Variants in ATG16L2 observed in about 807,000 individuals in gnomAD.
ATG16L2 encodes the protein autophagy related 16 like 2, also known as protein Atg16l2.
A neutral mutation model predicts 84.7 loss-of-function variants in ATG16L2; 77 were observed. That is an observed-to-expected ratio of 0.91 (90% CI 0.76 to 1.10). ATG16L2 has a LOEUF of 1.10. Ranked by LOEUF, ATG16L2 falls within the 50% of genes least tolerant of loss-of-function variation. ATG16L2 has a pLI of 0.00. For synonymous variants in ATG16L2, 361 were observed against 342.8 expected (o/e 1.05, Z -0.59); for missense variants, 782 against 817.6 (o/e 0.96, Z 0.53).
At chr11:72,840,822 A>T in intron 5 of ATG16L2, 1 of 1,286,856 alleles carries the variant, frequency 7.8e-7, no homozygotes, top group Non-Finnish European at 1.1e-6. Flanking sequence ...TTAATTCCTT[A>T]CTTTCAATTT....
chr11:72,839,466 T>C (rs1001672875), intron 5 of ATG16L2, among the ~76,000 whole-genome samples: 1 of 152,174 alleles, frequency 6.6e-6, no homozygotes, highest in Non-Finnish European at 1.5e-5. Context: ...TAGGAGACTT[T>C]TGTAATCCTC....
chr11:72,837,737 C>G (rs538864187), intron 5 of ATG16L2: 32 of 152,370 alleles, frequency 2.1e-4, no homozygotes, highest in Admixed American at 2.1e-3. Flanking sequence ...CACGAGCCAC[C>G]AGGTTCTTCC....
chr11:72,842,903 A>G, exon 6 of ATG16L2: 2 of 1,263,046 alleles, frequency 1.6e-6, no homozygotes, highest in Non-Finnish European at 2.3e-6. Context: ...TTTTGCAACC[A>G]CCCCTATGCT....
intron 10 of ATG16L2, among the ~76,000 whole-genome samples, chr11:72,825,880 A>G (rs950772696): frequency 6.6e-6 from 1 of 152,034 alleles, no homozygotes; most frequent in Admixed American, 6.6e-5. Context: ...AGAAAAGGCA[A>G]GTTTCTGGCT....
chr11:72,841,222 T>C (rs930819672), intron 5 of ATG16L2, among the ~76,000 whole-genome samples: 8 of 150,778 alleles, frequency 5.3e-5, no homozygotes, highest in African/African-American at 2.0e-4. Context: ...TATTCCTAGC[T>C]ACTAGGGAGG....
chr11:72,829,239 G>A, intron 17 of ATG16L2, 64 bp from the exon 18 acceptor site: 2 of 1,561,414 alleles, frequency 1.3e-6, no homozygotes, highest in Non-Finnish European at 1.8e-6. Flanking sequence ...AGCAGTCGGG[G>A]CAGAGCCAGG....
At position 72,817,762 on chromosome 11, in the gene ATG16L2, G is replaced by T; in HGVS notation, c.225G>T (p.Glu75Asp). The change falls in exon 3 of 18, where the codon GAG becomes GAT. Residue 75 changes from glutamate to aspartate, a missense_variant. Glu to Asp is a conservative substitution (Grantham distance 45). Transcript: ENST00000321297. Reference protein sequence around the residue: ...TPTTHQGPWEESELDSDQVPS... With the variant: ...TPTTHQGPWEDSELDSDQVPS... ...CACTCTGATTGGTTGGCAGGGAGGA[G>T]TCAGAGCTTGACTCAGACCAAGTCC... 1 of 1,613,764 alleles carries T rather than the reference G, an allele frequency of 6.2e-7. No homozygotes were observed. Among genetic ancestry groups the T allele is most frequent in the Non-Finnish European group, 8.5e-7 (1 of 1,180,012 alleles).
At chr11:72,823,975 C>A in intron 7 of ATG16L2, 85 bp from the exon 8 acceptor site, 1 of 1,489,746 alleles carries the variant, frequency 6.7e-7, no homozygotes, top group South Asian at 1.1e-5. Flanking sequence ...GCCTCCAGGT[C>A]TCTGGCAAAG....
At chr11:72,826,264 G>A (rs368260628) in intron 11 of ATG16L2, 21 bp downstream of exon 11, 14 of 1,612,054 alleles carry the variant, frequency 8.7e-6, no homozygotes, top group Non-Finnish European at 1.2e-5. Context: ...CTGCCCCAGT[G>A]GCATGGGATT....
chr11:72,828,938 G>T lies in ATG16L2; in HGVS notation c.1726G>T (p.Asp576Tyr). ...GSCDGALYIW[D>Y]VDTGKLESRL... ...CTGTGATGGGGCCCTTTACATCTGGGATGTGGACACCGGGAAACTGGAGAG... is the reference window on the plus strand; with the variant it reads ...CTGTGATGGGGCCCTTTACATCTGGTATGTGGACACCGGGAAACTGGAGAG... The change falls in exon 17 of 18, where the codon GAT becomes TAT. Residue 576 changes from aspartate to tyrosine, a missense_variant. Coordinates refer to ENST00000321297, the MANE Select transcript of ATG16L2 (RefSeq NM_033388.2). 6.2e-7 allele frequency: 1 copy of T among 1,614,178 alleles called. No individual in the cohort carries two copies. The highest frequency in any genetic ancestry group is 8.5e-7 in the Non-Finnish European group (1 of 1,180,030).
At chr11:72,836,054 A>T (rs1307052791) in intron 5 of ATG16L2, among the ~76,000 whole-genome samples, 3 of 152,172 alleles carry the variant, frequency 2.0e-5, no homozygotes, top group Admixed American at 2.0e-4. Context: ...GGCTGAACAC[A>T]TTTTTATGTA....
intron 3 of ATG16L2, chr11:72,821,432 G>C: frequency 7.4e-7 from 1 of 1,343,838 alleles, no homozygotes; most frequent in Non-Finnish European, 9.6e-7. Flanking sequence ...GCAGAGAAAC[G>C]AAGCGGCACG....
At chr11:72,817,673 G>A (rs1859769676) in intron 2 of ATG16L2, 83 bp from the exon 3 acceptor site, 5 of 1,368,768 alleles carry the variant, frequency 3.7e-6, no homozygotes, top group Non-Finnish European at 5.2e-6. Context: ...CTTGTTTTAG[G>A]CTTTTCATGT....
In ATG16L2 at chr11:72,828,363, C is replaced by T. The variant is rs1860484866; in HGVS notation, c.1477C>T (p.Pro493Ser). ...QKIRFWDSRG[P>S]HCTQVIPVQG... ...GTCTCTGTCCTTGTTCCTCAGGGGG[C>T]CCCACTGCACCCAGGTCATCCCTGT... Residue 493 changes from proline (P) to serine (S), a missense_variant, in exon 15 of 18, where the codon CCC becomes TCC. Transcript: ENST00000321297. 1.2e-6 allele frequency: 2 copies of T among 1,613,864 alleles called. No individual in the cohort carries two copies.
chr11:72,820,884 T>C (rs1248801874), intron 3 of ATG16L2, among the ~76,000 whole-genome samples: 1 of 152,016 alleles, frequency 6.6e-6, no homozygotes, highest in African/African-American at 2.4e-5. Context: ...GCAGATGAAA[T>C]GACCCTCACC....
At chr11:72,814,702 C>G (rs1591288910) in intron 1 of ATG16L2, 139 bp downstream of exon 1, 1 of 614,734 alleles carries the variant, frequency 1.6e-6, no homozygotes, top group East Asian at 3.5e-5. Flanking sequence ...TACGCCCATC[C>G]CGACTGCCAG....
chr11:72,822,801 G>C lies in ATG16L2; in HGVS notation c.711-47G>C. The C allele has an allele frequency of 7.1e-7, 1 of 1,414,190 alleles. No homozygotes were observed. The highest frequency in any genetic ancestry group is 9.7e-7 in the Non-Finnish European group (1 of 1,034,530). 87.6% of individuals were successfully genotyped at this position (1,414,190 alleles called of 1,614,324 possible). A position where few individuals can be genotyped will look rare whatever the true frequency, so the allele number is the denominator to read the frequency against. On this transcript the variant is annotated intron_variant, in intron 6 of 17. Coordinates refer to ENST00000321297, the MANE Select transcript of ATG16L2 (RefSeq NM_033388.2). This position sits in a 1 kb window ranked among gnomAD's most constrained non-coding sequence, Gnocchi z 4.2. ...CGTATCCTGTGCTGGGGTCGGGAGGGGCTGGCTTGGTCCCTTGGCCTTTCT... is the reference window on the plus strand; with the variant it reads ...CGTATCCTGTGCTGGGGTCGGGAGGCGCTGGCTTGGTCCCTTGGCCTTTCT...
chr11:72,819,850 A>C (rs1476318175), intron 3 of ATG16L2, among the ~76,000 whole-genome samples: 32 of 151,340 alleles, frequency 2.1e-4, no homozygotes, highest in African/African-American at 7.3e-4. Context: ...GGTTCACGCC[A>C]TTCTCCTGCC....
intron 5 of ATG16L2, chr11:72,841,405 GTTTCTGAAGTGA>G: frequency 1.3e-6 from 2 of 1,553,720 alleles, no homozygotes; most frequent in Middle Eastern, 1.7e-4. Flanking sequence ...GAATATGTAG[GTTTCTGAAGTGA>G]AAATGCATTT....
Sources: gnomAD v4.1 joint callset for allele counts (sites outside exome capture counted in the v4.1 genomes callset) on GRCh38, gnomAD v4.1.1 for gene constraint, Gnocchi (gnomAD v3.1) non-coding constraint, MANE v1.5 for transcripts, NCBI Gene and HGNC (gene_info 2026-07-23, HGNC 2026-07-21) for gene names.